TRPM3: variants seen among roughly 807,000 people sequenced by gnomAD.
TRPM3 encodes the protein long transient receptor potential channel 3.
TRPM3 carries 77 observed loss-of-function variants against 181.2 expected under a neutral mutation model. The ratio of observed to expected loss-of-function variants is 0.42; its 90% CI spans 0.35 to 0.51. The LOEUF is 0.51. Ranked by LOEUF, TRPM3 falls within the 20% of genes least tolerant of loss-of-function variation. The pLI is 0.01. For missense variants in TRPM3, 1,759 were observed against 2,196.7 expected, an observed-to-expected ratio of 0.80 and a Z score of 3.98; for synonymous variants, 745 against 796.4, an observed-to-expected ratio of 0.94 and a Z score of 1.09.
At chr9:71,032,033 A>AAT (rs1205892394) in intron 1 of TRPM3, among the ~76,000 whole-genome samples, 31 of 1,002 alleles carry the variant, frequency 0.031, no homozygotes, top group African/African-American at 0.11. Context: ...ATATAATATA[A>AAT]ATATATATAT....
chr9:70,840,725 T>C (rs1359496838), intron 5 of TRPM3, among the ~76,000 whole-genome samples: 2 of 152,114 alleles, frequency 1.3e-5, no homozygotes, highest in African/African-American at 2.4e-5. Context: ...GATAAGTAAA[T>C]GTAATAGAAT....
At chr9:70,617,210 A>T (rs1279325057) in intron 17 of TRPM3, among the ~76,000 whole-genome samples, 1 of 152,164 alleles carries the variant, frequency 6.6e-6, no homozygotes, top group Non-Finnish European at 1.5e-5. Flanking sequence ...AGGGGACATG[A>T]CACCCTGTCC....
At chr9:71,375,486 A>T (rs1335972850) in intron 1 of TRPM3, among the ~76,000 whole-genome samples, 1 of 152,236 alleles carries the variant, frequency 6.6e-6, no homozygotes, top group Non-Finnish European at 1.5e-5. Context: ...TGATGAAAAC[A>T]TCTAAAGCAA....
intron 3 of TRPM3, among the ~76,000 whole-genome samples, chr9:70,850,609 A>G (rs1260908679): frequency 1.3e-5 from 2 of 152,256 alleles, no homozygotes; most frequent in East Asian, 3.9e-4. Flanking sequence ...GTGGTTTAAG[A>G]TAAAGATGAA....
chr9:71,147,424 G>GACACACACACACACACAT (rs2075476227), intron 1 of TRPM3, among the ~76,000 whole-genome samples: 1 of 144,930 alleles, frequency 6.9e-6, no homozygotes, highest in Non-Finnish European at 1.5e-5. Context: ...GCAACACACA[G>GACACACACACACACACAT]ACACACACAC....
intron 1 of TRPM3, among the ~76,000 whole-genome samples, chr9:71,174,640 G>C (rs1159856318): frequency 6.6e-6 from 1 of 152,078 alleles, no homozygotes; most frequent in Non-Finnish European, 1.5e-5. Context: ...TGAAACTGGG[G>C]AATGCTAAGC....
At position 71,064,578 on chromosome 9, in the gene TRPM3, G is replaced by C. The variant is rs181109231; in HGVS notation, c.177+56600C>G. On this transcript the variant is annotated intron_variant, in intron 1 of 25. Transcript: ENST00000677713. ...TTATAGGCATGAGCCACTACACCCA[G>C]CCTCAAGTGTTTAAAATTCAGTTTT... 1.2e-4 allele frequency among the ~76,000 whole-genome samples: 18 copies of C among 152,078 alleles called. 1 individual carries two copies. In the East Asian group the frequency reaches 3.3e-3, roughly 28 times the overall value.
rs2096608471 is a variant in TRPM3 at position 70,917,404 on chromosome 9, C to T, written c.178-52893G>A. ...CTCTCTTCCAAGAGCTCAGTGGGGA[C>T]ACCACCTCCACCTGCTCAGAAATGA... On this transcript the variant is annotated intron_variant, in intron 1 of 25. Transcript: ENST00000677713. 4.7e-6 allele frequency: 4 copies of T among 846,864 alleles called. No homozygotes were observed. In the Admixed American group the frequency reaches 7.1e-5, roughly 15 times the overall value. The allele number at this position is 846,864 out of a possible 1,614,324, so 52.5% of individuals were successfully genotyped here.
chr9:71,019,931 G>C (rs895577126), intron 1 of TRPM3, among the ~76,000 whole-genome samples: 1 of 152,150 alleles, frequency 6.6e-6, no homozygotes, highest in African/African-American at 2.4e-5. Context: ...CTGTAGAACT[G>C]TAGGGAAGGG....
intron 1 of TRPM3, among the ~76,000 whole-genome samples, chr9:71,064,273 T>C (rs569567259): frequency 6.6e-6 from 1 of 152,160 alleles, no homozygotes; most frequent in Non-Finnish European, 1.5e-5. Context: ...TCCAATAGTT[T>C]GGTGAAGTTG....
intron 1 of TRPM3, among the ~76,000 whole-genome samples, chr9:71,209,414 G>GAGAT (rs1393762579): frequency 6.7e-6 from 1 of 149,922 alleles, no homozygotes; most frequent in Non-Finnish European, 1.5e-5. Flanking sequence ...GAGGGAGAGA[G>GAGAT]AGAGACTGAC....
At chr9:70,921,930 CACACACAAACAA>C (rs1188115700) in intron 1 of TRPM3, among the ~76,000 whole-genome samples, 1 of 121,242 alleles carries the variant, frequency 8.2e-6, no homozygotes, top group African/African-American at 3.6e-5. Context: ...CACACACACA[CACACACAAACAA>C]ACACACACAC....
chr9:70,693,940 A>G (rs1374512877), intron 8 of TRPM3, among the ~76,000 whole-genome samples: 1 of 152,238 alleles, frequency 6.6e-6, no homozygotes, highest in African/African-American at 2.4e-5. Context: ...CTGCTTAACT[A>G]TGAAGAACAC....
At position 71,121,242 on chromosome 9, in the gene TRPM3, G is replaced by A; in HGVS notation, c.113C>T (p.Pro38Leu). The change falls in exon 1 of 26, where the codon CCC becomes CTC. Residue 38 changes from proline to leucine, a missense_variant. This residue lies in a region of TRPM3 where 737 missense variants were observed against 957.4 expected (regional missense o/e 0.77). Transcript: ENST00000677713. ...CAGCTTCCGGATGGTCCAGTTTAGG[G>A]GTCGAGGAGCATCAGCCTGATTCAT... is the stretch of plus-strand genomic sequence containing the variant. ...GVMNQADAPR[P>L]LNWTIRKLCH... is the part of the protein sequence containing the mutation. 6.2e-7 allele frequency: 1 copy of A among 1,614,130 alleles called. No individual in the cohort carries two copies. The highest frequency in any genetic ancestry group is 8.5e-7 in the Non-Finnish European group (1 of 1,180,012).
At chr9:71,093,367 A>C (rs1591359386) in intron 1 of TRPM3, among the ~76,000 whole-genome samples, 1 of 152,084 alleles carries the variant, frequency 6.6e-6, no homozygotes, top group Non-Finnish European at 1.5e-5. Flanking sequence ...GAATCTACAA[A>C]GAACTTAAAC....
chr9:71,237,002 GCAC>G (rs1312734769), intron 1 of TRPM3, among the ~76,000 whole-genome samples: 1 of 119,646 alleles, frequency 8.4e-6, no homozygotes, highest in Non-Finnish European at 1.6e-5. Context: ...AGCCGAAATC[GCAC>G]CACTGTACTC....
At chr9:70,869,005 A>G (rs2993010) in intron 1 of TRPM3, 572,334 of 984,594 alleles carry the variant, frequency 0.58, 167,283 homozygotes, top group African/African-American at 0.63. Flanking sequence ...GATTCTGGGT[A>G]CTGGCAAAAG....
intron 16 of TRPM3, among the ~76,000 whole-genome samples, chr9:70,619,859 G>C (rs2063369673): frequency 6.6e-6 from 1 of 152,172 alleles, no homozygotes; most frequent in African/African-American, 2.4e-5. Flanking sequence ...CTACCTCATG[G>C]GGAAGTTGAC....
At chr9:71,393,264 T>C (rs2093107774) in intron 1 of TRPM3, among the ~76,000 whole-genome samples, 1 of 152,164 alleles carries the variant, frequency 6.6e-6, no homozygotes, top group Non-Finnish European at 1.5e-5. Context: ...TTGAGAACAA[T>C]CACCTCTTTC....
Sources: allele counts gnomAD v4.1 joint callset (sites outside exome capture counted in the v4.1 genomes callset), GRCh38; gene constraint gnomAD v4.1.1; regional missense constraint gnomAD v4.1.1; transcripts MANE v1.5; gene names NCBI Gene and HGNC (gene_info 2026-07-23, HGNC 2026-07-21).